Variants in USH2A observed in about 807,000 individuals in gnomAD.
The protein encoded by USH2A is usherin, also known as Usher syndrome 2A (autosomal recessive, mild).
Under a neutral mutation model 538.9 loss-of-function variants are expected in USH2A, and 443 were observed. The observed-to-expected ratio is 0.82, with a 90% CI of 0.76 to 0.89. The LOEUF is 0.89. Among genes scored for constraint, USH2A ranks in the 40% least tolerant of loss-of-function variants. USH2A has a pLI of 0.00. For synonymous variants in USH2A, 2,413 were observed against 2,273.5 expected, an observed-to-expected ratio of 1.06 and a Z score of -1.75; for missense variants, 6,633 against 6,324.8, an observed-to-expected ratio of 1.05 and a Z score of -1.65.
In USH2A at chr1:216,324,211, C is replaced by T; in HGVS notation, c.1285G>A (p.Asp429Asn). The T allele has an allele frequency of 1.9e-6, 3 of 1,613,156 alleles. No homozygotes were observed. The highest frequency in any genetic ancestry group is 2.5e-6 in the Non-Finnish European group (3 of 1,179,584). ...TTGACAGAATCAGGTTTTTCCAAAT[C>T]TCCATTGTTTTTCATTCCAAAAGCA... Reference protein sequence around the residue: ...CGAFGMKNNGDLEKPDSVNCL... With the variant: ...CGAFGMKNNGNLEKPDSVNCL... The change falls in exon 7 of 72, where the codon GAT becomes AAT. Residue 429 changes from aspartate to asparagine, a missense_variant. By Grantham distance (23) the Asp-to-Asn change is conservative. Coordinates refer to ENST00000307340, the MANE Select transcript of USH2A (RefSeq NM_206933.4).
chr1:216,391,373 C>A (rs1458763424), intron 3 of USH2A, among the ~76,000 whole-genome samples: 2 of 152,168 alleles, frequency 1.3e-5, no homozygotes, highest in East Asian at 3.9e-4. Flanking sequence ...GTCAGTCAGT[C>A]ATCAACTGGT....
At chr1:215,770,471 G>GA (rs1233976176) in intron 55 of USH2A, among the ~76,000 whole-genome samples, 5 of 151,322 alleles carry the variant, frequency 3.3e-5, no homozygotes, top group African/African-American at 7.3e-5. Context: ...TATAAATTAA[G>GA]AAAAAAAATA....
intron 24 of USH2A, among the ~76,000 whole-genome samples, chr1:216,085,409 G>A (rs1338779307): frequency 6.6e-6 from 1 of 151,940 alleles, no homozygotes; most frequent in Non-Finnish European, 1.5e-5. Context: ...GGTGATAACA[G>A]AAGGTTGAGA....
intron 37 of USH2A, among the ~76,000 whole-genome samples, chr1:215,950,549 C>T (rs1666887531): frequency 1.3e-5 from 2 of 149,206 alleles, no homozygotes; most frequent in South Asian, 4.3e-4. Flanking sequence ...CTCTGTCACC[C>T]AGGCTGGGGT....
intron 3 of USH2A, among the ~76,000 whole-genome samples, chr1:216,379,782 G>T (rs1020041363): frequency 6.6e-6 from 1 of 152,284 alleles, no homozygotes; most frequent in Non-Finnish European, 1.5e-5. Flanking sequence ...CAATTGAAAA[G>T]CTTGAGTATC....
intron 11 of USH2A, among the ~76,000 whole-genome samples, chr1:216,272,557 G>C (rs1475282829): frequency 6.6e-6 from 1 of 151,868 alleles, no homozygotes. Flanking sequence ...TCAGTCTTCT[G>C]GGTAAGAAAA....
At chr1:216,225,613 T>C (rs1353930137) in intron 14 of USH2A, among the ~76,000 whole-genome samples, 1 of 152,186 alleles carries the variant, frequency 6.6e-6, no homozygotes, top group Non-Finnish European at 1.5e-5. Context: ...CCATAGCACT[T>C]TCCAGCAGTA....
intron 21 of USH2A, among the ~76,000 whole-genome samples, chr1:216,173,257 A>G (rs1479660606): frequency 6.6e-6 from 1 of 152,190 alleles, no homozygotes; most frequent in Non-Finnish European, 1.5e-5. Flanking sequence ...TCATTCAGCC[A>G]AACCTGGCAA....
intron 3 of USH2A, among the ~76,000 whole-genome samples, chr1:216,401,698 G>T (rs539587394): frequency 2.7e-4 from 41 of 152,060 alleles, no homozygotes; most frequent in African/African-American, 8.7e-4. Flanking sequence ...ATATCTAGAG[G>T]TTAAGAGGGA....
At chr1:216,120,219 C>CAAAAAAAAAAGAA (rs2033100222) in intron 21 of USH2A, among the ~76,000 whole-genome samples, 1 of 100,070 alleles carries the variant, frequency 1.0e-5, no homozygotes, top group African/African-American at 3.8e-5. Flanking sequence ...TACTAAATAG[C>CAAAAAAAAAAGAA]AAAAAAAAAA....
intron 13 of USH2A, among the ~76,000 whole-genome samples, chr1:216,239,781 T>G (rs2035898336): frequency 6.6e-6 from 1 of 151,936 alleles, no homozygotes; most frequent in South Asian, 2.1e-4. Flanking sequence ...CTGGCTGGTG[T>G]AAGTAAGGGT....
chr1:215,869,214 G>A (rs1277845568), intron 43 of USH2A, among the ~76,000 whole-genome samples: 1 of 152,172 alleles, frequency 6.6e-6, no homozygotes, highest in African/African-American at 2.4e-5. Context: ...AAGTCATTGA[G>A]ATAATAAGTA....
intron 36 of USH2A, among the ~76,000 whole-genome samples, chr1:215,969,257 G>A (rs79650017): frequency 0.012 from 1,851 of 152,284 alleles, 32 homozygotes; most frequent in East Asian, 0.064. Flanking sequence ...ACTCTGTGCT[G>A]TAAGTCAGGA....
intron 55 of USH2A, among the ~76,000 whole-genome samples, chr1:215,776,103 G>A (rs976005151): frequency 3.3e-5 from 5 of 152,106 alleles, no homozygotes; most frequent in Non-Finnish European, 4.4e-5. Flanking sequence ...ATAATGTAGA[G>A]GTAGCCCAAA....
intron 50 of USH2A, among the ~76,000 whole-genome samples, chr1:215,796,905 T>C (rs1041909507): frequency 6.6e-6 from 1 of 152,226 alleles, no homozygotes; most frequent in Middle Eastern, 3.2e-3. Context: ...TTCTGTACCA[T>C]TCCTTCTTGA....
rs1430619040 is a variant in USH2A, at chr1:215,624,571, T to G, written c.*1210A>C. The G allele has an allele frequency of 6.6e-6, 1 of 152,056 alleles. No individual in the cohort carries two copies. The highest frequency in any genetic ancestry group is 1.5e-5 in the Non-Finnish European group (1 of 67,932). The allele number at this position is 152,056 out of a possible 1,614,324, so 9.4% of individuals were successfully genotyped here. A position where few individuals can be genotyped will look rare whatever the true frequency, so the allele number is the denominator to read the frequency against. ...TCCATGAAGAACAAATTTAAATATC[T>G]GATTTTATGTGGATGATTTGCAAGA... On this transcript the variant is annotated 3_prime_UTR_variant, in exon 72 of 72. Transcript: ENST00000307340.
intron 32 of USH2A, among the ~76,000 whole-genome samples, chr1:216,014,484 A>G (rs1668659020): frequency 6.6e-6 from 1 of 152,206 alleles, no homozygotes; most frequent in South Asian, 2.1e-4. Flanking sequence ...TAGGCACTTC[A>G]AGGGCAACAC....
chr1:215,798,843 A>T lies in USH2A; in HGVS notation c.9958+64T>A, dbSNP rs1016909005. 3 of 1,593,768 alleles carry T rather than the reference A, an allele frequency of 1.9e-6. No individual in the cohort carries two copies. The African/African-American group carries it at 4.0e-5, about 21-fold the overall frequency. On this transcript the variant is annotated intron_variant, in intron 50 of 71. Coordinates refer to ENST00000307340, the MANE Select transcript of USH2A (RefSeq NM_206933.4). ...ACTTATTTGTTTTATTTCTAGGGCA[A>T]ATTTCTCACTCTCTCTGCTTCTCAG... is the stretch of plus-strand genomic sequence containing the variant.
At chr1:216,390,284 T>A (rs1210392864) in intron 3 of USH2A, among the ~76,000 whole-genome samples, 1 of 152,162 alleles carries the variant, frequency 6.6e-6, no homozygotes, top group Non-Finnish European at 1.5e-5. Context: ...ATTCCAAAGC[T>A]TTGCAGAGTT....
Sources: gnomAD v4.1 joint callset for allele counts (sites outside exome capture counted in the v4.1 genomes callset) on GRCh38, gnomAD v4.1.1 for gene constraint, MANE v1.5 for transcripts, NCBI Gene and HGNC (gene_info 2026-07-23, HGNC 2026-07-21) for gene names.